ZNF740: variants seen among roughly 807,000 people sequenced by gnomAD.
ZNF740 encodes oriLyt TD-element-binding protein 7.
In ZNF740, 14 loss-of-function variants were observed where a neutral mutation model predicts 24.8. That is an observed-to-expected ratio of 0.56 (90% confidence interval 0.37 to 0.88). The LOEUF is 0.88. ZNF740 is among the 40% of genes least tolerant of loss of function. The probability of loss-of-function intolerance (pLI) is 0.00; values close to 1 mark genes in which losing one functional copy is unlikely to be tolerated. For synonymous variants in ZNF740, 69 were observed against 84.0 expected, an observed-to-expected ratio of 0.82 and a Z score of 0.98; for missense variants, 201 against 247.9, an observed-to-expected ratio of 0.81 and a Z score of 1.27.
rs769711286 is a variant in ZNF740, at chr12:53,194,381, C to G, written c.*6791C>G. On this transcript the variant is annotated 3_prime_UTR_variant, in exon 7 of 7. Coordinates refer to ENST00000416904, the MANE Select transcript of ZNF740 (RefSeq NM_001004304.4). ...GAGCGAGTGGATAACCACGTGAAGG[C>G]AGAAAAGGACTCCAACCCCACCTTA... The G allele has an allele frequency of 6.2e-7, 1 of 1,607,888 alleles. No individual in the cohort carries two copies. The highest frequency in any genetic ancestry group is 8.5e-7 in the Non-Finnish European group (1 of 1,176,096).
intron 2 of ZNF740, among the ~76,000 whole-genome samples, chr12:53,183,017 C>G (rs1246716916): frequency 6.6e-6 from 1 of 152,194 alleles, no homozygotes; most frequent in Non-Finnish European, 1.5e-5. Context: ...ACCTCCCTAC[C>G]AGTCTCACCA....
In ZNF740 at chr12:53,187,645, C is replaced by G. The variant is rs143139854; in HGVS notation, c.*55C>G. On this transcript the variant is annotated 3_prime_UTR_variant, in exon 7 of 7. Coordinates refer to ENST00000416904, the MANE Select transcript of ZNF740 (RefSeq NM_001004304.4). Reference sequence around the variant, plus strand: ...TCAGAAGAACCTGCCGAAGAGCACACCCCCTCTGGTCTGATGGTCCCACCA... The same window carrying G: ...TCAGAAGAACCTGCCGAAGAGCACAGCCCCTCTGGTCTGATGGTCCCACCA... 5,385 of 1,433,662 alleles carry G rather than the reference C, an allele frequency of 3.8e-3. 18 individuals carry two copies. The highest frequency in any genetic ancestry group is 4.4e-3 in the Non-Finnish European group (4,519 of 1,022,570). 88.8% of individuals were successfully genotyped at this position (1,433,662 alleles called of 1,614,324 possible). A position where few individuals can be genotyped will look rare whatever the true frequency, so the allele number is the denominator to read the frequency against.
Position 53,193,833 on chromosome 12 carries a change from G to C in ZNF740, c.*6243G>C, listed in dbSNP as rs762058078. ...CAATCAGCTCCTCTGAGAAGCCAAG[G>C]GCCCGGAGCCTCAGGAGATGGGGCT... is the stretch of plus-strand genomic sequence containing the variant. On this transcript the variant is annotated 3_prime_UTR_variant, in exon 7 of 7. Transcript: ENST00000416904. 1 of 1,614,070 alleles carries C rather than the reference G, an allele frequency of 6.2e-7. No homozygotes were observed. Among genetic ancestry groups the C allele is most frequent in the South Asian group, 1.1e-5 (1 of 91,088 alleles).
chr12:53,181,761 G>T lies in ZNF740; in HGVS notation c.-223G>T, dbSNP rs1941652364. 5.0e-6 allele frequency: 3 copies of T among 603,900 alleles called. No homozygotes were observed. The South Asian group carries it at 6.8e-5, about 14-fold the overall frequency. 37.4% of individuals were successfully genotyped at this position (603,900 alleles called of 1,614,324 possible). Reference sequence around the variant, plus strand: ...AGACTCTCTTTTTCTTCAGACAATAGGCAGGAGCCAGGCAGAGTCCAGGGA... The same window carrying T: ...AGACTCTCTTTTTCTTCAGACAATATGCAGGAGCCAGGCAGAGTCCAGGGA... On this transcript the variant is annotated 5_prime_UTR_variant, in exon 2 of 7. It adds an upstream start codon to the 5' untranslated region. Transcript: ENST00000416904.
chr12:53,192,142 G>A lies in ZNF740; in HGVS notation c.*4552G>A, dbSNP rs78662052. The A allele has an allele frequency of 6.6e-4, 864 of 1,313,508 alleles. 22 individuals are homozygous for A. The East Asian group carries it at 0.021, about 32-fold the overall frequency. The allele number at this position is 1,313,508 out of a possible 1,614,324, so 81.4% of individuals were successfully genotyped here. A position where few individuals can be genotyped will look rare whatever the true frequency, so the allele number is the denominator to read the frequency against. ...ACTGAAAGCAAAGGGAACCCAGGGA[G>A]GTCCAAGGTTATCCTCACCGCCCAG... On this transcript the variant is annotated 3_prime_UTR_variant, in exon 7 of 7. Coordinates refer to ENST00000416904, the MANE Select transcript of ZNF740 (RefSeq NM_001004304.4).
chr12:53,191,280 T>A lies in ZNF740; in HGVS notation c.*3690T>A. ...TTCCCGAGGCCCAGGCTATAAACAG[T>A]CTGCTTTGGCCTTGATGAGGTAAAG... is the stretch of plus-strand genomic sequence containing the variant. On this transcript the variant is annotated 3_prime_UTR_variant, in exon 7 of 7. Transcript: ENST00000416904. 2.2e-6 allele frequency: 1 copy of A among 451,572 alleles called. No individual in the cohort carries two copies. The highest frequency in any genetic ancestry group is 4.1e-6 in the Non-Finnish European group (1 of 242,676). 28.0% of individuals were successfully genotyped at this position (451,572 alleles called of 1,614,324 possible). A position where few individuals can be genotyped will look rare whatever the true frequency, so the allele number is the denominator to read the frequency against.
In ZNF740 at chr12:53,194,033, A is replaced by G. The variant is rs781533183; in HGVS notation, c.*6443A>G. ...TCATGTTAACACCCAACTCCTAGAA[A>G]CATGCCTGAGGAAGCCACTCAGACT... On this transcript the variant is annotated 3_prime_UTR_variant, in exon 7 of 7. Coordinates refer to ENST00000416904, the MANE Select transcript of ZNF740 (RefSeq NM_001004304.4). The G allele has an allele frequency of 1.1e-4, 149 of 1,310,238 alleles. No homozygotes were observed. The highest frequency in any genetic ancestry group is 1.5e-4 in the Non-Finnish European group (144 of 939,490). The allele number at this position is 1,310,238 out of a possible 1,614,324, so 81.2% of individuals were successfully genotyped here.
Position 53,185,447 on chromosome 12 carries a change from G to T in ZNF740, c.220G>T (p.Ala74Ser). ...SRKDDDSLSEASHSKKTVKKV... is the reference protein window; with the variant it reads ...SRKDDDSLSESSHSKKTVKKV... ...CAAAGATGATGACAGCTTGTCTGAGGCCTCTCATTCAAAAAAGACTGTTAA... is the reference window on the plus strand; with the variant it reads ...CAAAGATGATGACAGCTTGTCTGAGTCCTCTCATTCAAAAAAGACTGTTAA... Residue 74 changes from alanine to serine, a missense_variant, in exon 4 of 7, where the codon GCC becomes TCC. Ala to Ser is a moderately conservative substitution (Grantham distance 99, BLOSUM62 1). Around this residue, in one of 3 missense-constraint regions of ZNF740, gnomAD observed 117 missense variants for 122.3 expected, o/e 0.96. Transcript: ENST00000416904. 5 of 1,613,962 alleles carry T rather than the reference G, an allele frequency of 3.1e-6. No homozygotes were observed. Among genetic ancestry groups the T allele is most frequent in the South Asian group, 1.1e-5 (1 of 91,074 alleles).
At position 53,195,068 on chromosome 12, in the gene ZNF740, T is replaced by C. The variant is rs1444246251; in HGVS notation, c.*7478T>C. On this transcript the variant is annotated 3_prime_UTR_variant, in exon 7 of 7. Coordinates refer to ENST00000416904, the MANE Select transcript of ZNF740 (RefSeq NM_001004304.4). ...TATGAAGCAAGGCTTTTGGCAGGGT[T>C]AAATGAAGTAGCAAACAGTATGTAC... 1 of 340,074 alleles carries C rather than the reference T, an allele frequency of 2.9e-6. No homozygotes were observed. Among genetic ancestry groups the C allele is most frequent in the Non-Finnish European group, 5.5e-6 (1 of 182,924 alleles). The allele number at this position is 340,074 out of a possible 1,614,324, so 21.1% of individuals were successfully genotyped here. A position where few individuals can be genotyped will look rare whatever the true frequency, so the allele number is the denominator to read the frequency against.
In ZNF740 at chr12:53,189,313, T is replaced by TAA. The variant is rs1941884164; in HGVS notation, c.*1724_*1725dup. On this transcript the variant is annotated 3_prime_UTR_variant, in exon 7 of 7. Coordinates refer to ENST00000416904, the MANE Select transcript of ZNF740 (RefSeq NM_001004304.4). ...GTGGCGGGTACGGGAACTGTCTTAG[T>TAA]AATCATGGAGACTGGCTGAACCTGA... The TAA allele has an allele frequency of 6.6e-6, 1 of 152,064 alleles. No individual in the cohort carries two copies. The highest frequency in any genetic ancestry group is 1.5e-5 in the Non-Finnish European group (1 of 68,006). 9.4% of individuals were successfully genotyped at this position (152,064 alleles called of 1,614,324 possible).
chr12:53,185,326 A>G (rs577880002), intron 3 of ZNF740, 61 bp from the exon 4 acceptor site: 9 of 1,550,730 alleles, frequency 5.8e-6, no homozygotes, highest in Admixed American at 3.5e-5. Flanking sequence ...TGAGAGCTGC[A>G]TTGGGTCTCA....
At position 53,193,454 on chromosome 12, in the gene ZNF740, A is replaced by C; in HGVS notation, c.*5864A>C. On this transcript the variant is annotated 3_prime_UTR_variant, in exon 7 of 7. Transcript: ENST00000416904. Reference sequence around the variant, plus strand: ...CAGGAACCTCTAAACCCAAGTTCTCAAAAGAGTTGGAGACAGACAAACAGC... The same window carrying C: ...CAGGAACCTCTAAACCCAAGTTCTCCAAAGAGTTGGAGACAGACAAACAGC... 1.4e-5 allele frequency: 14 copies of C among 970,698 alleles called. No individual in the cohort carries two copies. Among genetic ancestry groups the C allele is most frequent in the South Asian group, 3.5e-5 (2 of 56,856 alleles). The allele number at this position is 970,698 out of a possible 1,614,324, so 60.1% of individuals were successfully genotyped here.
Position 53,191,794 on chromosome 12 carries a change from G to C in ZNF740, c.*4204G>C. On this transcript the variant is annotated 3_prime_UTR_variant, in exon 7 of 7. Transcript: ENST00000416904. ...AGGGGCTGGGGGAACCCAGTGGGAG[G>C]AATCAGGGCTGGTCTTGTGGTGGGG... 6.3e-7 allele frequency: 1 copy of C among 1,599,148 alleles called. No homozygotes were observed. The highest frequency in any genetic ancestry group is 1.1e-5 in the South Asian group (1 of 90,680).
chr12:53,186,785 C>T lies in ZNF740; in HGVS notation c.492+276C>T, dbSNP rs749435974. On this transcript the variant is annotated intron_variant, in intron 6 of 6. Coordinates refer to ENST00000416904, the MANE Select transcript of ZNF740 (RefSeq NM_001004304.4). ...TACATAGATGATTTTATTTAATCCT[C>T]ACATTGACTCCCTAAGGTAGCTGTA... The T allele has an allele frequency of 8.3e-5, 25 of 301,188 alleles. No individual in the cohort carries two copies. In the South Asian group the frequency reaches 1.0e-3, roughly 13 times the overall value. The allele number at this position is 301,188 out of a possible 1,614,324, so 18.7% of individuals were successfully genotyped here. A position where few individuals can be genotyped will look rare whatever the true frequency, so the allele number is the denominator to read the frequency against.
Position 53,193,007 on chromosome 12 carries a change from T to C in ZNF740, c.*5417T>C. ...GCCCACGCATCCAATCTTTTTGAAGTATGCCAACCACACCCTCTAACCCAT... is the reference window on the plus strand; with the variant it reads ...GCCCACGCATCCAATCTTTTTGAAGCATGCCAACCACACCCTCTAACCCAT... On this transcript the variant is annotated 3_prime_UTR_variant, in exon 7 of 7. Coordinates refer to ENST00000416904, the MANE Select transcript of ZNF740 (RefSeq NM_001004304.4). 7.2e-7 allele frequency: 1 copy of C among 1,386,382 alleles called. No individual in the cohort carries two copies. The highest frequency in any genetic ancestry group is 1.0e-6 in the Non-Finnish European group (1 of 993,712). The allele number at this position is 1,386,382 out of a possible 1,614,324, so 85.9% of individuals were successfully genotyped here. A position where few individuals can be genotyped will look rare whatever the true frequency, so the allele number is the denominator to read the frequency against.
chr12:53,192,635 A>G lies in ZNF740; in HGVS notation c.*5045A>G. On this transcript the variant is annotated 3_prime_UTR_variant, in exon 7 of 7. Transcript: ENST00000416904. ...GGACGGAGAGTAGGCAGATGGGAGT[A>G]GCTCAACAAGCCCCACTGTGCCCCT... is the stretch of plus-strand genomic sequence containing the variant. The G allele has an allele frequency of 6.3e-7, 1 of 1,597,350 alleles. No individual in the cohort carries two copies. The highest frequency in any genetic ancestry group is 8.6e-7 in the Non-Finnish European group (1 of 1,167,456).
At position 53,194,238 on chromosome 12, in the gene ZNF740, T is replaced by G. The variant is rs1250711735; in HGVS notation, c.*6648T>G. On this transcript the variant is annotated 3_prime_UTR_variant, in exon 7 of 7. Coordinates refer to ENST00000416904, the MANE Select transcript of ZNF740 (RefSeq NM_001004304.4). The stretch of plus-strand genomic sequence containing the variant: ...GACGTGGTTGCACTGTCCTCGATCC[T>G]CAGCCTTACCCTCCCTCTTCTCAGG... 6.2e-7 allele frequency: 1 copy of G among 1,614,072 alleles called. No homozygotes were observed.
Position 53,181,713 on chromosome 12 carries a change from T to G in ZNF740, c.-271T>G. The G allele has an allele frequency of 2.1e-6, 1 of 484,072 alleles. No homozygotes were observed. Among genetic ancestry groups the G allele is most frequent in the Non-Finnish European group, 3.4e-6 (1 of 290,414 alleles). 30.0% of individuals were successfully genotyped at this position (484,072 alleles called of 1,614,324 possible). ...AGATCGTGAGCTTCATCAAGAGAAT[T>G]CAACTGGAAAACCAAGACTGGTAGA... On this transcript the variant is annotated 5_prime_UTR_variant, in exon 2 of 7. It adds an upstream start codon to the 5' untranslated region. Transcript: ENST00000416904.
chr12:53,182,309 T>G (rs11170456), intron 2 of ZNF740: 18,262 of 276,366 alleles, frequency 0.066, 845 homozygotes, highest in East Asian at 0.19. Context: ...GGTGAATGCT[T>G]CTTTTGTTTT....
Sources: gnomAD v4.1 joint callset for allele counts (sites outside exome capture counted in the v4.1 genomes callset) on GRCh38, gnomAD v4.1.1 for gene constraint, gnomAD v4.1.1 regional missense constraint, MANE v1.5 for transcripts, NCBI Gene and HGNC (gene_info 2026-07-23, HGNC 2026-07-21) for gene names.